The following ZFP14 variants were observed in gnomAD, a reference collection of about 807,000 sequenced individuals.
ZFP14 encodes the protein zinc finger protein 14 homolog.
Under a neutral mutation model 54.5 loss-of-function variants are expected in ZFP14, and 22 were observed. The observed-to-expected ratio is 0.40, with a 90% CI of 0.29 to 0.58. The LOEUF (loss-of-function observed/expected upper bound fraction) is 0.58, where lower values mean the gene tolerates loss of function less well. ZFP14 is among the 20% of genes least tolerant of loss of function. The pLI is 0.39. For synonymous variants in ZFP14, 159 were observed against 204.0 expected (o/e 0.78, Z 1.88); for missense variants, 470 against 637.8 (o/e 0.74, Z 2.83).
chr19:36,356,644 C>T (rs917831771), intron 4 of ZFP14, among the ~76,000 whole-genome samples: 16 of 152,094 alleles, frequency 1.1e-4, no homozygotes, highest in South Asian at 2.1e-4. Context: ...CCATCCTCTA[C>T]GCCCTACATC....
chr19:36,366,990 C>T (rs147446030), intron 2 of ZFP14, among the ~76,000 whole-genome samples: 72 of 152,092 alleles, frequency 4.7e-4, no homozygotes, highest in African/African-American at 1.7e-3. Flanking sequence ...CCCATCTCTA[C>T]TAAAAATGCA....
At position 36,352,337 on chromosome 19, in the gene ZFP14, A is replaced by G. The variant is rs1462574158; in HGVS notation, c.235+8098T>C. ...AATGTATGTATAATGATCATGTTAT[A>G]AAAGGAAAAACTAGAATAAAAATGC... On this transcript the variant is annotated intron_variant, in intron 4 of 4. Coordinates refer to ENST00000270001, the MANE Select transcript of ZFP14 (RefSeq NM_020917.3). Among the ~76,000 whole-genome samples the G allele has an allele frequency of 2.1e-5, 3 of 143,776 alleles. 1 individual carries two copies. The highest frequency in any genetic ancestry group is 4.6e-5 in the Non-Finnish European group (3 of 64,734). 94.3% of individuals were successfully genotyped at this position (143,776 alleles called of 152,430 possible).
At chr19:36,367,076 C>T (rs1600082940) in intron 2 of ZFP14, among the ~76,000 whole-genome samples, 1 of 151,774 alleles carries the variant, frequency 6.6e-6, no homozygotes, top group Non-Finnish European at 1.5e-5. Context: ...ATTGCTTGAA[C>T]CCAGAAGGTG....
At chr19:36,376,078 A>G (rs962709737) in intron 1 of ZFP14, among the ~76,000 whole-genome samples, 1 of 152,064 alleles carries the variant, frequency 6.6e-6, no homozygotes, top group Admixed American at 6.6e-5. Flanking sequence ...TCTGCATGAT[A>G]TTAGACAGGT....
intron 3 of ZFP14, among the ~76,000 whole-genome samples, chr19:36,361,199 G>C (rs2031704053): frequency 6.6e-6 from 1 of 152,120 alleles, no homozygotes; most frequent in South Asian, 2.1e-4. Context: ...TTACAAAGTA[G>C]GTAGAACTGC....
intron 1 of ZFP14, among the ~76,000 whole-genome samples, chr19:36,371,848 C>T (rs919421320): frequency 1.3e-5 from 2 of 152,018 alleles, no homozygotes; most frequent in African/African-American, 4.8e-5. Context: ...GTTCCAGCTA[C>T]ATGGGCGGCT....
At chr19:36,363,097 GTT>G (rs992293372) in intron 2 of ZFP14, among the ~76,000 whole-genome samples, 1 of 146,814 alleles carries the variant, frequency 6.8e-6, no homozygotes, top group African/African-American at 2.5e-5. Context: ...CTTGAACATT[GTT>G]TTTTTGTTCC....
At chr19:36,369,828 G>GGTTTT (rs569647447) in intron 1 of ZFP14, among the ~76,000 whole-genome samples, 10 of 152,022 alleles carry the variant, frequency 6.6e-5, no homozygotes, top group African/African-American at 1.5e-4. Flanking sequence ...ACTAACAGTA[G>GGTTTT]GTTTTGTTTT....
chr19:36,361,557 T>C (rs60930293), intron 3 of ZFP14, among the ~76,000 whole-genome samples: 2,824 of 148,032 alleles, frequency 0.019, 97 homozygotes, highest in African/African-American at 0.067. Flanking sequence ...TTTTTTGAGA[T>C]GGAGTCTCAC....
rs1484601168 is a variant in ZFP14, at chr19:36,341,272, G to A, written c.554C>T (p.Ser185Leu). ...AATTCTCAGGTGTTGACTAAGTGTTGAGCGACGAATAAAGGTCTTCCTACA... is the reference window on the plus strand; with the variant it reads ...AATTCTCAGGTGTTGACTAAGTGTTAAGCGACGAATAAAGGTCTTCCTACA... ...KECRKTFIRR[S>L]TLSQHLRIHT... Residue 185 changes from serine (S) to leucine (L), a missense_variant, in exon 5 of 5, where the codon TCA (serine) becomes TTA (leucine). By Grantham distance (145) the Ser-to-Leu change is moderately radical (BLOSUM62 -2). Coordinates refer to ENST00000270001, the MANE Select transcript of ZFP14 (RefSeq NM_020917.3). The surrounding 1 kb of genome is among the most constrained non-coding windows in gnomAD (Gnocchi z 4.2). 2 of 1,614,152 alleles carry A rather than the reference G, an allele frequency of 1.2e-6. 1 individual carries two copies. The highest frequency in any genetic ancestry group is 1.7e-6 in the Non-Finnish European group (2 of 1,180,036).
Position 36,352,587 on chromosome 19 carries a change from A to G in ZFP14, c.235+7848T>C, listed in dbSNP as rs1230101853. On this transcript the variant is annotated intron_variant, in intron 4 of 4. Transcript: ENST00000270001. ...CAAGGTGGGAGAATCCCTTGAGGCCAGGAGTTTTAGAGCAACCTGGCAACA... is the reference window on the plus strand; with the variant it reads ...CAAGGTGGGAGAATCCCTTGAGGCCGGGAGTTTTAGAGCAACCTGGCAACA... Among the ~76,000 whole-genome samples, 5 of 142,978 alleles carry G rather than the reference A, an allele frequency of 3.5e-5. 1 individual carries two copies. In the East Asian group the frequency reaches 1.0e-3, roughly 30 times the overall value. 93.8% of individuals were successfully genotyped at this position (142,978 alleles called of 152,430 possible). A position where few individuals can be genotyped will look rare whatever the true frequency, so the allele number is the denominator to read the frequency against.
intron 4 of ZFP14, among the ~76,000 whole-genome samples, chr19:36,342,123 G>A (rs1161042289): frequency 1.3e-5 from 2 of 150,916 alleles, no homozygotes; most frequent in Non-Finnish European, 2.9e-5. Context: ...CCAAAGTGCT[G>A]GGATTACAGG....
At chr19:36,377,701 C>T (rs1341527046) in intron 1 of ZFP14, among the ~76,000 whole-genome samples, 1 of 152,096 alleles carries the variant, frequency 6.6e-6, no homozygotes, top group African/African-American at 2.4e-5. Flanking sequence ...CTACTGGAGG[C>T]CGGGTGCGGT....
chr19:36,373,435 T>C (rs2031910829), intron 1 of ZFP14, among the ~76,000 whole-genome samples: 1 of 151,956 alleles, frequency 6.6e-6, no homozygotes, highest in African/African-American at 2.4e-5. Context: ...CGATACAAAA[T>C]TTCAGTTACA....
At chr19:36,361,388 C>A (rs139231016) in intron 3 of ZFP14, among the ~76,000 whole-genome samples, 2 of 151,010 alleles carry the variant, frequency 1.3e-5, no homozygotes. Flanking sequence ...TATAGGCATG[C>A]GCCACCATGC....
In ZFP14 at chr19:36,367,488, C is replaced by CT. The variant is rs375921472; in HGVS notation, c.9+395dup. Among the ~76,000 whole-genome samples the CT allele has an allele frequency of 1.4e-3, 206 of 148,812 alleles. 1 individual carries two copies. The East Asian group carries it at 0.024, about 18-fold the overall frequency. On this transcript the variant is annotated intron_variant, in intron 2 of 4. Coordinates refer to ENST00000270001, the MANE Select transcript of ZFP14 (RefSeq NM_020917.3). ...GGAGGGAAAAGAACTGGAGTAGGTT[C>CT]TTTTTTTTTTGAGATGGTGTCTTGC...
rs75248886 is a variant in ZFP14 at position 36,357,621 on chromosome 19, A to C, written c.235+2814T>G. Among the ~76,000 whole-genome samples, 43 of 152,218 alleles carry C rather than the reference A, an allele frequency of 2.8e-4. 3 individuals carry two copies. In the East Asian group the frequency reaches 8.3e-3, roughly 29 times the overall value. Reference sequence around the variant, plus strand: ...TGGCATCTTTGTCAAACAATAAATGACCCTTTAGTGCGTGTGTGGCAGGGT... The same window carrying C: ...TGGCATCTTTGTCAAACAATAAATGCCCCTTTAGTGCGTGTGTGGCAGGGT... On this transcript the variant is annotated intron_variant, in intron 4 of 4. Transcript: ENST00000270001.
At chr19:36,367,797 C>G in intron 2 of ZFP14, 87 bp downstream of exon 2, 1 of 1,472,498 alleles carries the variant, frequency 6.8e-7, no homozygotes, top group South Asian at 1.3e-5. Context: ...CTCTGGTAAG[C>G]AGGAAGTTTC....
At chr19:36,376,134 C>A (rs1034361485) in intron 1 of ZFP14, among the ~76,000 whole-genome samples, 4 of 151,996 alleles carry the variant, frequency 2.6e-5, no homozygotes, top group African/African-American at 9.7e-5. Flanking sequence ...ACAGTTTCTA[C>A]CTGAAAGGAT....
Sources: allele counts gnomAD v4.1 joint callset (sites outside exome capture counted in the v4.1 genomes callset), GRCh38; gene constraint gnomAD v4.1.1; non-coding constraint Gnocchi (gnomAD v3.1); transcripts MANE v1.5; gene names NCBI Gene and HGNC (gene_info 2026-07-23, HGNC 2026-07-21).